Variants in ZBTB20 observed in about 807,000 individuals in gnomAD.
ZBTB20 encodes the protein zinc finger and BTB domain containing 20.
Under a neutral mutation model 56.9 loss-of-function variants are expected in ZBTB20, and 9 were observed. The observed-to-expected ratio is 0.16, with a 90% CI of 0.10 to 0.28. ZBTB20 has a LOEUF of 0.28. Ranked by LOEUF, ZBTB20 falls within the 10% of genes least tolerant of loss-of-function variation. The pLI is 1.00. For missense variants in ZBTB20, 655 were observed against 1,003.0 expected (o/e 0.65, Z 4.69); for synonymous variants, 417 against 420.7 (o/e 0.99, Z 0.11).
chr3:114,597,700 T>C (rs1312385688), intron 6 of ZBTB20, among the ~76,000 whole-genome samples: 1 of 152,186 alleles, frequency 6.6e-6, no homozygotes, highest in Non-Finnish European at 1.5e-5. Flanking sequence ...TAGCTGCCTT[T>C]TTACTAGCAT....
chr3:114,510,398 A>G (rs2045209330), intron 6 of ZBTB20, among the ~76,000 whole-genome samples: 1 of 151,878 alleles, frequency 6.6e-6, no homozygotes, highest in Non-Finnish European at 1.5e-5. Flanking sequence ...CTTTCTTTTA[A>G]TTTTGTCAGT....
chr3:114,791,716 G>A (rs1308402817), intron 5 of ZBTB20: 1 of 152,168 alleles, frequency 6.6e-6, no homozygotes, highest in Non-Finnish European at 1.5e-5. Flanking sequence ...ATATGGTCAA[G>A]ATAGTACATT....
intron 6 of ZBTB20, among the ~76,000 whole-genome samples, chr3:114,571,878 C>T (rs934792250): frequency 2.0e-5 from 3 of 152,148 alleles, no homozygotes; most frequent in African/African-American, 7.2e-5. Flanking sequence ...GGCATATGCA[C>T]TTAAGCTCTC....
At chr3:114,950,194 A>G (rs563578472) in intron 3 of ZBTB20, among the ~76,000 whole-genome samples, 1 of 152,266 alleles carries the variant, frequency 6.6e-6, no homozygotes, top group East Asian at 1.9e-4. Context: ...AATACCTGAA[A>G]CTGCAAATAG....
chr3:114,854,655 T>C (rs1287398945), intron 4 of ZBTB20, among the ~76,000 whole-genome samples: 2 of 152,210 alleles, frequency 1.3e-5, no homozygotes, highest in African/African-American at 4.8e-5. Context: ...CTGAATCTGT[T>C]TCCTTATCCA....
chr3:114,812,050 G>T (rs2072561422), intron 4 of ZBTB20, among the ~76,000 whole-genome samples: 2 of 152,208 alleles, frequency 1.3e-5, no homozygotes, highest in Non-Finnish European at 2.9e-5. Flanking sequence ...GCAGACCTTT[G>T]CGGTGAGTGT....
At chr3:114,355,753 T>A (rs2081184410) in intron 10 of ZBTB20, among the ~76,000 whole-genome samples, 1 of 151,406 alleles carries the variant, frequency 6.6e-6, no homozygotes, top group Non-Finnish European at 1.5e-5. Flanking sequence ...ATTCAGGGAG[T>A]GTATAGGAAG....
chr3:114,707,899 G>A (rs1426552783), intron 5 of ZBTB20, among the ~76,000 whole-genome samples: 2 of 152,118 alleles, frequency 1.3e-5, no homozygotes, highest in African/African-American at 2.4e-5. Flanking sequence ...TTTAACCACA[G>A]GGCATTGTCC....
At position 114,684,880 on chromosome 3, in the gene ZBTB20, A is replaced by G. The variant is rs528373635; in HGVS notation, c.-295+8648T>C. On this transcript the variant is annotated intron_variant, in intron 6 of 11. Coordinates refer to ENST00000675478, the MANE Select transcript of ZBTB20 (RefSeq NM_001348800.3). ...CAATGAGTGGGCAGGCCTTTAAAAA[A>G]AAGTCTGAAAAAATAAAGAGCCCTG... Among the ~76,000 whole-genome samples the G allele has an allele frequency of 3.9e-5, 6 of 152,278 alleles. No individual in the cohort carries two copies. The East Asian group carries it at 9.7e-4, about 25-fold the overall frequency.
intron 6 of ZBTB20, among the ~76,000 whole-genome samples, chr3:114,646,969 T>A (rs182710785): frequency 1.3e-5 from 2 of 151,276 alleles, no homozygotes; most frequent in East Asian, 3.9e-4. Context: ...TATTTATTTA[T>A]TTTTTTTTAG....
chr3:114,923,941 T>C (rs1472475352), intron 3 of ZBTB20, among the ~76,000 whole-genome samples: 1 of 151,956 alleles, frequency 6.6e-6, no homozygotes, highest in East Asian at 1.9e-4. Flanking sequence ...AAAGAAGGCA[T>C]ACAAATGGGC....
chr3:115,095,037 A>G (rs1299954129), intron 1 of ZBTB20, among the ~76,000 whole-genome samples: 1 of 152,098 alleles, frequency 6.6e-6, no homozygotes, highest in Non-Finnish European at 1.5e-5. Context: ...TGACCTTTTA[A>G]ATGCATAATA....
chr3:114,671,969 C>T (rs925158076), intron 6 of ZBTB20, among the ~76,000 whole-genome samples: 1 of 152,078 alleles, frequency 6.6e-6, no homozygotes, highest in African/African-American at 2.4e-5. Context: ...ATCCCACAAG[C>T]GCCTCTAAAC....
At chr3:114,673,968 G>C (rs954257383) in intron 6 of ZBTB20, among the ~76,000 whole-genome samples, 3 of 151,910 alleles carry the variant, frequency 2.0e-5, no homozygotes, top group African/African-American at 7.3e-5. Flanking sequence ...ACAAAACAAT[G>C]GTGTATTTCT....
At chr3:114,777,249 T>C (rs1324427597) in intron 5 of ZBTB20, among the ~76,000 whole-genome samples, 1 of 152,228 alleles carries the variant, frequency 6.6e-6, no homozygotes, top group African/African-American at 2.4e-5. Flanking sequence ...CTGGGCATGG[T>C]GGCTCACACC....
chr3:114,564,328 T>A (rs2052460762), intron 6 of ZBTB20, among the ~76,000 whole-genome samples: 1 of 152,088 alleles, frequency 6.6e-6, no homozygotes, highest in South Asian at 2.1e-4. Flanking sequence ...GTTCTGAGGA[T>A]TAGGATGTGA....
chr3:114,524,080 A>C (rs1022252748), intron 6 of ZBTB20, among the ~76,000 whole-genome samples: 6 of 152,184 alleles, frequency 3.9e-5, no homozygotes, highest in Non-Finnish European at 7.4e-5. Context: ...CAATGGTGTT[A>C]AAGGCGCATA....
At chr3:114,437,722 T>C (rs919898328) in intron 7 of ZBTB20, among the ~76,000 whole-genome samples, 2 of 152,180 alleles carry the variant, frequency 1.3e-5, no homozygotes, top group African/African-American at 4.8e-5. Context: ...TATATGTATA[T>C]ATTTCTTTTT....
At chr3:114,604,367 C>CA (rs904077183) in intron 6 of ZBTB20, among the ~76,000 whole-genome samples, 6 of 149,518 alleles carry the variant, frequency 4.0e-5, no homozygotes, top group Non-Finnish European at 7.4e-5. Flanking sequence ...GAAAGTTACA[C>CA]AAAAAAAATA....
Sources: gnomAD v4.1 joint callset for allele counts (sites outside exome capture counted in the v4.1 genomes callset) on GRCh38, gnomAD v4.1.1 for gene constraint, MANE v1.5 for transcripts, NCBI Gene and HGNC (gene_info 2026-07-23, HGNC 2026-07-21) for gene names.